The following DNAJC13 variants were observed in gnomAD, a reference collection of about 807,000 sequenced individuals.
DNAJC13 encodes DnaJ heat shock protein family (Hsp40) member C13.
In DNAJC13, 75 loss-of-function variants were observed where a neutral mutation model predicts 290.5. That is an observed-to-expected ratio of 0.26 (90% CI 0.21 to 0.31). DNAJC13 has a LOEUF of 0.31. Ranked by LOEUF, DNAJC13 falls within the 10% of genes least tolerant of loss-of-function variation. The probability of loss-of-function intolerance (pLI) is 1.00; values close to 1 mark genes in which losing one functional copy is unlikely to be tolerated. For synonymous variants in DNAJC13, 862 were observed against 892.0 expected, an observed-to-expected ratio of 0.97 and a Z score of 0.60; for missense variants, 2,260 against 2,674.5, an observed-to-expected ratio of 0.85 and a Z score of 3.42.
In DNAJC13 at chr3:132,495,093, A is replaced by G. The variant is rs1466224106; in HGVS notation, c.3947A>G (p.Asp1316Gly). The change falls in exon 35 of 56, where the codon GAT (aspartate) becomes GGT (glycine). Residue 1316 changes from aspartate to glycine, a missense_variant. By Grantham distance (94) the Asp-to-Gly change is moderately conservative. Coordinates refer to ENST00000260818, the MANE Select transcript of DNAJC13 (RefSeq NM_015268.4). ...ACAATTTTCCTGTTTAACAGGCATG[A>G]TGAGAGCAAGATTAGGAAAGCTTAC... ...LNLPQGQGPH[D>G]ESKIRKAYFR... 1 of 1,613,146 alleles carries G rather than the reference A, an allele frequency of 6.2e-7. No homozygotes were observed.
At chr3:132,436,773 G>A (rs928152694) in intron 2 of DNAJC13, among the ~76,000 whole-genome samples, 2 of 151,956 alleles carry the variant, frequency 1.3e-5, no homozygotes, top group Non-Finnish European at 2.9e-5. Flanking sequence ...AGTGATTCAT[G>A]ATGTTGGGTA....
At position 132,463,777 on chromosome 3, in the gene DNAJC13, A is replaced by T. The variant is rs749784153; in HGVS notation, c.1852A>T (p.Met618Leu). Reference sequence around the variant, plus strand: ...CTTACCTCGACACTTGCATACTGCGATGTTTACAATAAGCTCAGATCAAAG... The same window carrying T: ...CTTACCTCGACACTTGCATACTGCGTTGTTTACAATAAGCTCAGATCAAAG... Reference protein sequence around the residue: ...GALPRHLHTAMFTISSDQRML... With the variant: ...GALPRHLHTALFTISSDQRML... Residue 618 changes from methionine (M) to leucine (L), a missense_variant, in exon 17 of 56, where the codon ATG becomes TTG. Physicochemically the swap from Met to Leu is conservative, Grantham distance 15. This residue lies in a region of DNAJC13 where 762 missense variants were observed against 964.1 expected (regional missense o/e 0.79). Coordinates refer to ENST00000260818, the MANE Select transcript of DNAJC13 (RefSeq NM_015268.4). 27 of 1,613,368 alleles carry T rather than the reference A, an allele frequency of 1.7e-5. 1 individual carries two copies. In the South Asian group the frequency reaches 2.9e-4, roughly 17 times the overall value.
chr3:132,455,108 G>T (rs1174049511), intron 9 of DNAJC13, among the ~76,000 whole-genome samples: 1 of 152,062 alleles, frequency 6.6e-6, no homozygotes, highest in Admixed American at 6.5e-5. Flanking sequence ...GAAAATCTTT[G>T]CAAAGCATAT....
At chr3:132,477,751 G>A (rs772018017) in intron 22 of DNAJC13, 38 bp from the exon 23 acceptor site, 4 of 1,495,026 alleles carry the variant, frequency 2.7e-6, no homozygotes, top group Non-Finnish European at 2.7e-6. Context: ...AAAATCTATT[G>A]TAAACTAAAA....
intron 36 of DNAJC13, among the ~76,000 whole-genome samples, chr3:132,498,423 C>G (rs1257994368): frequency 2.0e-5 from 3 of 152,044 alleles, no homozygotes; most frequent in Non-Finnish European, 4.4e-5. Context: ...AATAGAATTT[C>G]TGGTGCATTT....
intron 37 of DNAJC13, 37 bp downstream of exon 37, chr3:132,499,347 T>C (rs749907468): frequency 6.6e-7 from 1 of 1,510,806 alleles, no homozygotes; most frequent in Non-Finnish European, 8.9e-7. Context: ...TTAAGCCAGT[T>C]TACACACATT....
chr3:132,450,662 A>G lies in DNAJC13; in HGVS notation c.352A>G (p.Lys118Glu). Reference protein sequence around the residue: ...KITGRRYNCYKHHWSDSRKPV... With the variant: ...KITGRRYNCYEHHWSDSRKPV... Reference sequence around the variant, plus strand: ...CTGTCTTTAGAGATACAACTGCTATAAGCATCACTGGAGTGACTCAAGAAA... The same window carrying G: ...CTGTCTTTAGAGATACAACTGCTATGAGCATCACTGGAGTGACTCAAGAAA... The change falls in exon 6 of 56, where the codon AAG (lysine) becomes GAG (glutamate). Residue 118 changes from lysine to glutamate, a missense_variant. By Grantham distance (56) the Lys-to-Glu change is moderately conservative. Transcript: ENST00000260818. 6.2e-7 allele frequency: 1 copy of G among 1,611,694 alleles called. No homozygotes were observed. Among genetic ancestry groups the G allele is most frequent in the Non-Finnish European group, 8.5e-7 (1 of 1,178,420 alleles).
intron 44 of DNAJC13, 23 bp downstream of exon 44, chr3:132,511,267 A>G: frequency 6.2e-7 from 1 of 1,612,140 alleles, no homozygotes; most frequent in Non-Finnish European, 8.5e-7. Flanking sequence ...ACCTTTGATC[A>G]ATAAGACTCG....
At chr3:132,451,256 G>C (rs1933406789) in intron 6 of DNAJC13, among the ~76,000 whole-genome samples, 1 of 152,076 alleles carries the variant, frequency 6.6e-6, no homozygotes, top group African/African-American at 2.4e-5. Flanking sequence ...GAGCCCAGGA[G>C]TTTGAGACCT....
At chr3:132,501,018 TA>T in intron 39 of DNAJC13, 105 bp downstream of exon 39, 1 of 1,356,040 alleles carries the variant, frequency 7.4e-7, no homozygotes, top group Non-Finnish European at 1.0e-6. Flanking sequence ...AAGTTATTTG[TA>T]AGTAAAATTA....
In DNAJC13 at chr3:132,475,020, G is replaced by T. The variant is rs1179350327; in HGVS notation, c.2380G>T (p.Ala794Ser). 1 of 1,610,948 alleles carries T rather than the reference G, an allele frequency of 6.2e-7. No homozygotes were observed. The highest frequency in any genetic ancestry group is 8.5e-7 in the Non-Finnish European group (1 of 1,178,388). The change falls in exon 22 of 56, where the codon GCA (alanine) becomes TCA (serine). Residue 794 changes from alanine to serine, a missense_variant. Ala to Ser is a moderately conservative substitution (Grantham distance 99). Coordinates refer to ENST00000260818, the MANE Select transcript of DNAJC13 (RefSeq NM_015268.4). Reference sequence around the variant, plus strand: ...AGATACTCTTGAATCTGAAATGAGAGCATTTAATATTGACAGAGAACTTGG... The same window carrying T: ...AGATACTCTTGAATCTGAAATGAGATCATTTAATATTGACAGAGAACTTGG... ...LKDTLESEMRAFNIDRELGSA... is the reference protein window; with the variant it reads ...LKDTLESEMRSFNIDRELGSA...
intron 15 of DNAJC13, 136 bp from the exon 16 acceptor site, chr3:132,462,331 T>C: frequency 1.4e-6 from 1 of 739,298 alleles, no homozygotes; most frequent in African/African-American, 1.8e-5. Flanking sequence ...CCAAACTGAC[T>C]TTGAGATGTA....
At chr3:132,456,951 T>A in intron 12 of DNAJC13, 119 bp downstream of exon 12, 1 of 1,129,484 alleles carries the variant, frequency 8.9e-7, no homozygotes, top group Non-Finnish European at 1.2e-6. Flanking sequence ...TAGGGTGATA[T>A]GGTACTTTAT....
At chr3:132,534,756 C>T (rs1936540270) in intron 55 of DNAJC13, among the ~76,000 whole-genome samples, 1 of 152,226 alleles carries the variant, frequency 6.6e-6, no homozygotes. Context: ...CCTACATCCT[C>T]TAACTACAGA....
intron 17 of DNAJC13, 122 bp downstream of exon 17, chr3:132,463,939 G>C: frequency 3.5e-6 from 4 of 1,146,168 alleles, no homozygotes; most frequent in Non-Finnish European, 4.7e-6. Context: ...GATCCACCTA[G>C]TTCTTTTCCT....
intron 22 of DNAJC13, 111 bp downstream of exon 22, chr3:132,475,196 C>T: frequency 1.4e-6 from 1 of 727,678 alleles, no homozygotes; most frequent in East Asian, 3.1e-5. Context: ...TTTACCTTTC[C>T]CCCTTTAATG....
chr3:132,501,410 G>C (rs1935408087), intron 39 of DNAJC13, among the ~76,000 whole-genome samples: 1 of 152,096 alleles, frequency 6.6e-6, no homozygotes, highest in Admixed American at 6.5e-5. Context: ...TGAGTATTTG[G>C]CTGAAGAACA....
chr3:132,519,107 C>T (rs1365306425), intron 48 of DNAJC13, among the ~76,000 whole-genome samples: 1 of 152,206 alleles, frequency 6.6e-6, no homozygotes. Flanking sequence ...AATTACACTA[C>T]TGTGAACATT....
chr3:132,508,067 G>C (rs1935650829), intron 43 of DNAJC13, among the ~76,000 whole-genome samples: 1 of 152,172 alleles, frequency 6.6e-6, no homozygotes, highest in South Asian at 2.1e-4. Flanking sequence ...CTGATATATG[G>C]AAAGTTTTAA....
Sources: allele counts gnomAD v4.1 joint callset (sites outside exome capture counted in the v4.1 genomes callset), GRCh38; gene constraint gnomAD v4.1.1; regional missense constraint gnomAD v4.1.1; transcripts MANE v1.5; gene names NCBI Gene and HGNC (gene_info 2026-07-23, HGNC 2026-07-21).